SLC45A4: variants seen among roughly 807,000 people sequenced by gnomAD.
The protein encoded by SLC45A4 is polyamine-transporter SLC45A4.
In SLC45A4, 32 loss-of-function variants were observed where a neutral mutation model predicts 63.7. That is an observed-to-expected ratio of 0.50 (90% CI 0.38 to 0.67). The LOEUF (loss-of-function observed/expected upper bound fraction) is 0.67. Among genes scored for constraint, SLC45A4 ranks in the 30% least tolerant of loss-of-function variants. The pLI, the probability that SLC45A4 is intolerant of heterozygous loss-of-function variation, is 0.00. For synonymous variants in SLC45A4, 535 were observed against 510.0 expected (o/e 1.05, Z -0.66); for missense variants, 1,027 against 1,157.7 (o/e 0.89, Z 1.64).
intron 1 of SLC45A4, among the ~76,000 whole-genome samples, chr8:141,304,268 T>TACACAC (rs59200665): frequency 0.12 from 17,826 of 150,900 alleles, 1,522 homozygotes; most frequent in East Asian, 0.4. Context: ...GACTCTTAAA[T>TACACAC]ACACACACAC....
At position 141,256,705 on chromosome 8, in the gene SLC45A4, G is replaced by A. The variant is rs1026632213; in HGVS notation, c.-400-2076C>T. 6.7e-6 allele frequency: 3 copies of A among 445,356 alleles called. No individual in the cohort carries two copies. Among genetic ancestry groups the A allele is most frequent in the African/African-American group, 2.0e-5 (1 of 49,794 alleles). 27.6% of individuals were successfully genotyped at this position (445,356 alleles called of 1,614,324 possible). The stretch of plus-strand genomic sequence containing the variant: ...TGCTACCTATGTATTTGCTTCTTAC[G>A]TCCCCTGAACGTCGCTACGATTCCA... On this transcript the variant is annotated intron_variant, in intron 1 of 8. Transcript: ENST00000517878. This position sits in a 1 kb window ranked among gnomAD's most constrained non-coding sequence, Gnocchi z 4.3.
intron 1 of SLC45A4, among the ~76,000 whole-genome samples, chr8:141,258,663 G>A (rs562727620): frequency 6.6e-6 from 1 of 152,110 alleles, no homozygotes; most frequent in Non-Finnish European, 1.5e-5. Context: ...CAGGAGGATC[G>A]CTTGAGCCCA....
chr8:141,225,831 C>T (rs2154614152), intron 2 of SLC45A4: 1 of 152,790 alleles, frequency 6.5e-6, no homozygotes, highest in South Asian at 2.1e-4. Flanking sequence ...GGACCCGGCC[C>T]CAGGCCTCCC....
chr8:141,286,434 T>A (rs1183434548), intron 1 of SLC45A4, among the ~76,000 whole-genome samples: 2 of 152,184 alleles, frequency 1.3e-5, no homozygotes, highest in Non-Finnish European at 2.9e-5. Flanking sequence ...CCAATGTATC[T>A]TCCTGGTCCC....
Position 141,210,381 on chromosome 8 carries a change from C to T in SLC45A4, c.*1191G>A, listed in dbSNP as rs1825740472. On this transcript the variant is annotated 3_prime_UTR_variant, in exon 9 of 9. Coordinates refer to ENST00000517878, the MANE Select transcript of SLC45A4 (RefSeq NM_001286646.2). Reference sequence around the variant, plus strand: ...ACTTGCCCTGTCCAAGCACGAGATTCACAAGGCCATTCTCAAGTTTCCACA... The same window carrying T: ...ACTTGCCCTGTCCAAGCACGAGATTTACAAGGCCATTCTCAAGTTTCCACA... The T allele has an allele frequency of 6.6e-6, 1 of 152,244 alleles. No individual in the cohort carries two copies. Among genetic ancestry groups the T allele is most frequent in the Admixed American group, 6.5e-5 (1 of 15,280 alleles). The allele number at this position is 152,244 out of a possible 1,614,324, so 9.4% of individuals were successfully genotyped here.
intron 6 of SLC45A4, among the ~76,000 whole-genome samples, chr8:141,216,527 G>C (rs1826164350): frequency 6.6e-6 from 1 of 152,232 alleles, no homozygotes. Flanking sequence ...TGCTGACCAA[G>C]AGGCATTTAC....
intron 1 of SLC45A4, among the ~76,000 whole-genome samples, chr8:141,293,663 T>A (rs1282638898): frequency 6.6e-6 from 1 of 152,154 alleles, no homozygotes; most frequent in Non-Finnish European, 1.5e-5. Flanking sequence ...CCGGGAGCAG[T>A]GGCTCATGCC....
At chr8:141,296,716 G>T (rs1000308503) in intron 1 of SLC45A4, among the ~76,000 whole-genome samples, 5 of 147,618 alleles carry the variant, frequency 3.4e-5, no homozygotes, top group African/African-American at 1.3e-4. Flanking sequence ...CACACCTGTG[G>T]TCCCAGCTAC....
At chr8:141,239,290 G>C (rs1827784591) in intron 2 of SLC45A4, among the ~76,000 whole-genome samples, 1 of 152,188 alleles carries the variant, frequency 6.6e-6, no homozygotes, top group African/African-American at 2.4e-5. Context: ...ACATCCCTGG[G>C]TCAGTGGGTG....
chr8:141,221,129 G>T (rs1248073771), intron 3 of SLC45A4, among the ~76,000 whole-genome samples: 1 of 152,266 alleles, frequency 6.6e-6, no homozygotes, highest in Non-Finnish European at 1.5e-5. Context: ...TGTTTTAACA[G>T]TTTTGATGGG....
In SLC45A4 at chr8:141,283,483, C is replaced by T. The variant is rs150703252; in HGVS notation, c.-401+24613G>A. 3.2e-3 allele frequency among the ~76,000 whole-genome samples: 485 copies of T among 152,354 alleles called. 5 individuals are homozygous for T. The highest frequency in any genetic ancestry group is 0.011 in the African/African-American group (461 of 41,584). Reference sequence around the variant, plus strand: ...GAGAGGAGAACCAATGAAGGCTTCTCGCACTGCATCCCTGGATGTCCCAAC... The same window carrying T: ...GAGAGGAGAACCAATGAAGGCTTCTTGCACTGCATCCCTGGATGTCCCAAC... On this transcript the variant is annotated intron_variant, in intron 1 of 8. Transcript: ENST00000517878.
At chr8:141,238,746 G>A (rs1167522414) in intron 2 of SLC45A4, among the ~76,000 whole-genome samples, 2 of 152,146 alleles carry the variant, frequency 1.3e-5, no homozygotes, top group Non-Finnish European at 2.9e-5. Flanking sequence ...ATAGATTTAC[G>A]TAGCACCCTC....
intron 1 of SLC45A4, among the ~76,000 whole-genome samples, chr8:141,257,813 C>T (rs1027890362): frequency 6.6e-6 from 1 of 152,154 alleles, no homozygotes; most frequent in Non-Finnish European, 1.5e-5. Flanking sequence ...CACAGAACAG[C>T]CTCCAGCAGA....
intron 1 of SLC45A4, among the ~76,000 whole-genome samples, chr8:141,285,844 G>GT (rs1170963199): frequency 5.9e-5 from 9 of 152,204 alleles, no homozygotes; most frequent in African/African-American, 1.4e-4. Context: ...ATGTGAGATC[G>GT]TGAGTTCTAG....
intron 6 of SLC45A4, among the ~76,000 whole-genome samples, chr8:141,216,461 G>A (rs1244108751): frequency 2.0e-5 from 3 of 152,232 alleles, no homozygotes; most frequent in African/African-American, 7.2e-5. Context: ...AAAGTGCTCT[G>A]CTGAGAATTC....
chr8:141,244,606 C>T (rs1448085538), intron 2 of SLC45A4, among the ~76,000 whole-genome samples: 3 of 152,090 alleles, frequency 2.0e-5, no homozygotes, highest in Non-Finnish European at 2.9e-5. Flanking sequence ...CTGTGGAGTG[C>T]GTTGAGTGGG....
intron 1 of SLC45A4, among the ~76,000 whole-genome samples, chr8:141,288,977 G>A (rs1222357373): frequency 1.4e-5 from 2 of 144,874 alleles, no homozygotes; most frequent in South Asian, 2.3e-4. Context: ...CTAATCCTTC[G>A]GCGTGGGTGG....
chr8:141,298,898 T>C (rs1002339323), intron 1 of SLC45A4, among the ~76,000 whole-genome samples: 2 of 152,008 alleles, frequency 1.3e-5, no homozygotes, highest in African/African-American at 4.8e-5. Context: ...AACGGCACTT[T>C]TCAGTGGGGG....
rs150824683 is a variant in SLC45A4, at chr8:141,220,660, G to C, written c.431-831C>G. ...ACACACCTGTCCGTGGGAGGCGCGG[G>C]AGAAGGGCTTTCTGCCCAGGTGGTC... On this transcript the variant is annotated intron_variant, in intron 3 of 8. Transcript: ENST00000517878. Among the ~76,000 whole-genome samples, 1,062 of 152,362 alleles carry C rather than the reference G, an allele frequency of 7.0e-3. 13 individuals are homozygous for C. The highest frequency in any genetic ancestry group is 0.025 in the African/African-American group (1,020 of 41,582).
Sources: allele counts gnomAD v4.1 joint callset (sites outside exome capture counted in the v4.1 genomes callset), GRCh38; gene constraint gnomAD v4.1.1; non-coding constraint Gnocchi (gnomAD v3.1); transcripts MANE v1.5; gene names NCBI Gene and HGNC (gene_info 2026-07-23, HGNC 2026-07-21).